PEAK1: variants seen among roughly 807,000 people sequenced by gnomAD.
PEAK1 encodes the protein pseudopodium enriched atypical kinase 1.
A neutral mutation model predicts 124.7 loss-of-function variants in PEAK1; 54 were observed. The ratio of observed to expected loss-of-function variants is 0.43; its 90% CI spans 0.35 to 0.54. The LOEUF is 0.54. Ranked by LOEUF, PEAK1 falls within the 20% of genes least tolerant of loss-of-function variation. The probability of loss-of-function intolerance (pLI) is 0.01; values close to 1 mark genes in which losing one functional copy is unlikely to be tolerated. For synonymous variants in PEAK1, 719 were observed against 760.0 expected, an observed-to-expected ratio of 0.95 and a Z score of 0.89; for missense variants, 2,046 against 2,134.5, an observed-to-expected ratio of 0.96 and a Z score of 0.82.
In PEAK1 at chr15:77,179,517, C is replaced by A. The variant is rs1379946140; in HGVS notation, c.2410G>T (p.Asp804Tyr). 1.2e-6 allele frequency: 2 copies of A among 1,614,006 alleles called. No individual in the cohort carries two copies. Among genetic ancestry groups the A allele is most frequent in the Non-Finnish European group, 1.7e-6 (2 of 1,180,026 alleles). ...CTCTTAGGTGTGCTCTTAGCAACAT[C>A]AGCATCTGGAGGAATGGCATAAAGC... ...EELYAIPPDA[D>Y]VAKSTPKSTP... The change falls in exon 7 of 10, where the codon GAT becomes TAT. Residue 804 changes from aspartate (D) to tyrosine (Y), a missense_variant. Physicochemically the swap from Asp to Tyr is radical, Grantham distance 160. Coordinates refer to ENST00000682557, the MANE Select transcript of PEAK1 (RefSeq NM_001385026.1).
Position 77,226,119 on chromosome 15 carries a change from T to C in PEAK1, c.-115+26248A>G, listed in dbSNP as rs140603471. Among the ~76,000 whole-genome samples, 1,353 of 140,476 alleles carry C rather than the reference T, an allele frequency of 9.6e-3. 33 individuals are homozygous for C. Among genetic ancestry groups the C allele is most frequent in the African/African-American group, 0.034 (1,283 of 38,178 alleles). The allele number at this position is 140,476 out of a possible 152,430, so 92.2% of individuals were successfully genotyped here. On this transcript the variant is annotated intron_variant, in intron 6 of 9. Transcript: ENST00000682557. ...ACACATACACACATATATATGTGTGTAATGTAATACAGACAGGAAAGACCA... is the reference window on the plus strand; with the variant it reads ...ACACATACACACATATATATGTGTGCAATGTAATACAGACAGGAAAGACCA...
intron 7 of PEAK1, among the ~76,000 whole-genome samples, chr15:77,160,344 T>C (rs1163416012): frequency 6.6e-6 from 1 of 152,156 alleles, no homozygotes; most frequent in African/African-American, 2.4e-5. Context: ...ATAGAAACCA[T>C]TTCTAGTTTC....
At chr15:77,298,688 T>C (rs1436846631) in intron 2 of PEAK1, among the ~76,000 whole-genome samples, 1 of 152,164 alleles carries the variant, frequency 6.6e-6, no homozygotes, top group Non-Finnish European at 1.5e-5. Flanking sequence ...TCAAGGATCA[T>C]AGTTTAGGGG....
intron 7 of PEAK1, among the ~76,000 whole-genome samples, chr15:77,175,321 C>A (rs1374205227): frequency 1.3e-5 from 2 of 152,156 alleles, no homozygotes. Context: ...AGACAACCCA[C>A]AAAATGGGAG....
At chr15:77,371,818 AGGTTGCAGTGACCTGAGATC>A (rs1403485164) in intron 1 of PEAK1, among the ~76,000 whole-genome samples, 5 of 152,226 alleles carry the variant, frequency 3.3e-5, no homozygotes, top group African/African-American at 1.2e-4. Context: ...AAGGAGGTGG[AGGTTGCAGTGACCTGAGATC>A]GCGCCACTGC....
intron 6 of PEAK1, among the ~76,000 whole-genome samples, chr15:77,192,818 C>T (rs967720606): frequency 4.6e-5 from 7 of 151,860 alleles, no homozygotes; most frequent in South Asian, 2.1e-4. Flanking sequence ...CTAGGCCGAA[C>T]GGTCCTTACC....
chr15:77,111,253 G>A lies in PEAK1; in HGVS notation c.*2903C>T, dbSNP rs1193856408. On this transcript the variant is annotated 3_prime_UTR_variant, in exon 10 of 10. Coordinates refer to ENST00000682557, the MANE Select transcript of PEAK1 (RefSeq NM_001385026.1). Reference sequence around the variant, plus strand: ...CATAGATATATAAATGTGTGTGTATGTGTCTACAGAGGGTAGGATTTCTTT... The same window carrying A: ...CATAGATATATAAATGTGTGTGTATATGTCTACAGAGGGTAGGATTTCTTT... The A allele has an allele frequency of 6.6e-6, 1 of 152,196 alleles. No homozygotes were observed. Among genetic ancestry groups the A allele is most frequent in the Non-Finnish European group, 1.5e-5 (1 of 68,028 alleles). The allele number at this position is 152,196 out of a possible 1,614,324, so 9.4% of individuals were successfully genotyped here.
At chr15:77,376,637 T>C (rs1435832599) in intron 1 of PEAK1, among the ~76,000 whole-genome samples, 1 of 152,224 alleles carries the variant, frequency 6.6e-6, no homozygotes, top group African/African-American at 2.4e-5. Flanking sequence ...CTAAATTGAA[T>C]ATTATTTATT....
intron 9 of PEAK1, among the ~76,000 whole-genome samples, chr15:77,122,917 G>C (rs1003546878): frequency 6.6e-6 from 1 of 152,134 alleles, no homozygotes; most frequent in Non-Finnish European, 1.5e-5. Context: ...TTCCTGTAAT[G>C]CTTTTTCATT....
At chr15:77,278,580 C>A (rs1019547937) in intron 5 of PEAK1, 2 of 501,664 alleles carry the variant, frequency 4.0e-6, no homozygotes, top group Non-Finnish European at 7.9e-6. Flanking sequence ...AAGCCAGAGA[C>A]CAAGCCTAAA....
At chr15:77,335,002 G>A (rs1003642043) in intron 2 of PEAK1, 7 of 985,302 alleles carry the variant, frequency 7.1e-6, no homozygotes, top group African/African-American at 1.7e-5. Context: ...CAGGGTTTGA[G>A]GCAGGAGGGT....
At chr15:77,199,023 A>G (rs559446624) in intron 6 of PEAK1, among the ~76,000 whole-genome samples, 1 of 152,322 alleles carries the variant, frequency 6.6e-6, no homozygotes, top group African/African-American at 2.4e-5. Flanking sequence ...ACCAGGATTT[A>G]AGGCAGGAAG....
chr15:77,320,728 T>C (rs1271515684), intron 2 of PEAK1, among the ~76,000 whole-genome samples: 1 of 152,200 alleles, frequency 6.6e-6, no homozygotes, highest in Non-Finnish European at 1.5e-5. Flanking sequence ...GTTACATATG[T>C]ATACATGTGC....
intron 9 of PEAK1, among the ~76,000 whole-genome samples, chr15:77,128,833 G>T (rs965976203): frequency 1.3e-5 from 2 of 152,156 alleles, no homozygotes; most frequent in South Asian, 4.1e-4. Flanking sequence ...ATTTAGATGA[G>T]ACTTTGGACT....
chr15:77,417,923 T>G (rs1196191981), intron 1 of PEAK1: 1 of 980,468 alleles, frequency 1.0e-6, no homozygotes, highest in African/African-American at 1.8e-5. Flanking sequence ...TAAAAGTTTT[T>G]AAGCTCTCAG....
chr15:77,400,723 T>C (rs1201700887), intron 1 of PEAK1, among the ~76,000 whole-genome samples: 1 of 152,150 alleles, frequency 6.6e-6, no homozygotes, highest in Non-Finnish European at 1.5e-5. Context: ...ATATGCAATA[T>C]ATTAAAAATA....
At chr15:77,415,917 T>C (rs1004538494) in intron 1 of PEAK1, among the ~76,000 whole-genome samples, 24 of 152,232 alleles carry the variant, frequency 1.6e-4, no homozygotes, top group African/African-American at 5.5e-4. Flanking sequence ...CAAGATTCTC[T>C]AAATCCCAAG....
rs773042203 is a variant in PEAK1, at chr15:77,180,943, A to G, written c.984T>C (p.Tyr328=). ...NGYEENSVVS[Y]GQGSIQSMVS... ...CCATGCTCTGAATGCTTCCTTGTCC[A>G]TAAGAGACCACAGAATTTTCCTCAT... Residue 328 remains tyrosine, a synonymous_variant, in exon 7 of 10, where the codon TAT becomes TAC. Coordinates refer to ENST00000682557, the MANE Select transcript of PEAK1 (RefSeq NM_001385026.1). 19 of 1,614,048 alleles carry G rather than the reference A, an allele frequency of 1.2e-5. No individual in the cohort carries two copies. The South Asian group carries it at 1.9e-4, about 16-fold the overall frequency.
At chr15:77,351,064 G>T in intron 2 of PEAK1, 2 of 475,652 alleles carry the variant, frequency 4.2e-6, no homozygotes, top group Non-Finnish European at 5.5e-6. Flanking sequence ...GAGGCAGAAG[G>T]CTTTGCTTAC....
Sources: allele counts gnomAD v4.1 joint callset (sites outside exome capture counted in the v4.1 genomes callset), GRCh38; gene constraint gnomAD v4.1.1; transcripts MANE v1.5; gene names NCBI Gene and HGNC (gene_info 2026-07-23, HGNC 2026-07-21).